Variants in MEIS3 observed in about 807,000 individuals in gnomAD.
The protein encoded by MEIS3 is Meis homeobox 3.
A neutral mutation model predicts 51.4 loss-of-function variants in MEIS3; 38 were observed. That is an observed-to-expected ratio of 0.74 (90% CI 0.57 to 0.97). The LOEUF is 0.97. MEIS3 is among the 50% of genes least tolerant of loss of function. MEIS3 has a pLI of 0.00. For missense variants in MEIS3, 456 were observed against 502.6 expected (o/e 0.91, Z 0.89); for synonymous variants, 198 against 201.8 (o/e 0.98, Z 0.16).
rs756618528 is a variant in MEIS3 at position 47,415,043 on chromosome 19, G to T, written c.447+8C>A. 1.0e-5 allele frequency: 16 copies of T among 1,556,520 alleles called. No individual in the cohort carries two copies. The highest frequency in any genetic ancestry group is 5.5e-5 in the African/African-American group (4 of 72,748). The stretch of plus-strand genomic sequence containing the variant: ...AAGTGAGGGTGTGGGGAGGTGAGAC[G>T]CGCTCACCTTCTCCAGCTCCAGCAG... On this transcript the variant is annotated splice_region_variant and intron_variant, in intron 5 of 12. Transcript: ENST00000558555.
At chr19:47,410,097 G>A (rs1015171072) in intron 6 of MEIS3, among the ~76,000 whole-genome samples, 4 of 151,172 alleles carry the variant, frequency 2.6e-5, no homozygotes, top group Admixed American at 6.6e-5. Context: ...ACCTGAGGTC[G>A]GGCATTTGAG....
rs967704429 is a variant in MEIS3 at position 47,419,279 on chromosome 19, C to A, written c.-198G>T. The A allele has an allele frequency of 3.8e-5, 10 of 264,496 alleles. No individual in the cohort carries two copies. The highest frequency in any genetic ancestry group is 5.6e-5 in the Non-Finnish European group (8 of 142,646). The allele number at this position is 264,496 out of a possible 1,614,324, so 16.4% of individuals were successfully genotyped here. ...TGGGGACTCCGCGCATGGACCCCGG[C>A]CCCCGCCCCCAGCGGGGGTCACGGC... is the stretch of plus-strand genomic sequence containing the variant. On this transcript the variant is annotated 5_prime_UTR_variant, in exon 1 of 13. Coordinates refer to ENST00000558555, the MANE Select transcript of MEIS3 (RefSeq NM_001301059.2).
chr19:47,415,573 C>CT (rs1302603532), intron 4 of MEIS3, among the ~76,000 whole-genome samples: 42 of 115,272 alleles, frequency 3.6e-4, no homozygotes, highest in Non-Finnish European at 4.9e-4. Context: ...CTCTCTCTCT[C>CT]TTTTTTTTTT....
At chr19:47,407,191 G>T in intron 9 of MEIS3, 54 bp from the exon 10 acceptor site, 1 of 1,570,292 alleles carries the variant, frequency 6.4e-7, no homozygotes, top group Non-Finnish European at 8.6e-7. Flanking sequence ...TGGGAGAGAG[G>T]CCAAGACGAA....
chr19:47,413,312 G>C (rs1971229543), intron 6 of MEIS3, among the ~76,000 whole-genome samples: 1 of 151,736 alleles, frequency 6.6e-6, no homozygotes, highest in South Asian at 2.1e-4. Flanking sequence ...GGAATAGCTT[G>C]AACCCAGGAG....
At chr19:47,417,617 C>A (rs1971513842) in intron 1 of MEIS3, 2 of 703,030 alleles carry the variant, frequency 2.8e-6, no homozygotes, top group Non-Finnish European at 5.2e-6. Context: ...CAGGGTCTGG[C>A]TGGGAGGGAA....
chr19:47,414,425 G>A (rs1350138128), intron 6 of MEIS3, among the ~76,000 whole-genome samples: 1 of 152,172 alleles, frequency 6.6e-6, no homozygotes, highest in African/African-American at 2.4e-5. Flanking sequence ...GCTGTGAGCA[G>A]AAATGGCTGT....
intron 12 of MEIS3, among the ~76,000 whole-genome samples, chr19:47,404,576 C>T (rs183555684): frequency 3.3e-5 from 5 of 152,276 alleles, no homozygotes; most frequent in African/African-American, 1.2e-4. Context: ...CTGGCCTTGG[C>T]ACGTGCTATT....
At chr19:47,413,421 G>A (rs970620266) in intron 6 of MEIS3, among the ~76,000 whole-genome samples, 2 of 151,982 alleles carry the variant, frequency 1.3e-5, no homozygotes, top group Non-Finnish European at 2.9e-5. Flanking sequence ...AATGTCTCCG[G>A]GACTGTGTCT....
chr19:47,414,956 G>A (rs1487576745), intron 5 of MEIS3, 90 bp from the exon 6 acceptor site: 15 of 1,225,214 alleles, frequency 1.2e-5, no homozygotes, highest in East Asian at 1.0e-4. Context: ...CTTCAACTCC[G>A]GTGGGGAGAG....
chr19:47,415,033 G>A lies in MEIS3; in HGVS notation c.447+18C>T, dbSNP rs755185619. 3.9e-6 allele frequency: 6 copies of A among 1,550,790 alleles called. No homozygotes were observed. Among genetic ancestry groups the A allele is most frequent in the Non-Finnish European group, 5.2e-6 (6 of 1,145,020 alleles). On this transcript the variant is annotated intron_variant, in intron 5 of 12. Transcript: ENST00000558555. ...TGACAGGGGCAAGTGAGGGTGTGGG[G>A]AGGTGAGACGCGCTCACCTTCTCCA...
chr19:47,417,659 T>A, intron 1 of MEIS3: 1 of 702,146 alleles, frequency 1.4e-6, no homozygotes, highest in Non-Finnish European at 2.6e-6. Context: ...GAGAAGACAG[T>A]GACAGAGACA....
rs1970676905 is a variant in MEIS3, at chr19:47,403,416, AG to A, written c.*154del. On this transcript the variant is annotated 3_prime_UTR_variant, in exon 13 of 13. Coordinates refer to ENST00000558555, the MANE Select transcript of MEIS3 (RefSeq NM_001301059.2). ...CTTGAGAGCCCTTGGATGGGCACTC[AG>A]GCCCCCATGTCCCAGCAGGGCCCTA... 2.2e-6 allele frequency: 1 copy of A among 454,862 alleles called. No individual in the cohort carries two copies. The highest frequency in any genetic ancestry group is 2.0e-5 in the African/African-American group (1 of 50,156). The allele number at this position is 454,862 out of a possible 1,614,324, so 28.2% of individuals were successfully genotyped here.
chr19:47,414,816 C>T lies in MEIS3; in HGVS notation c.498G>A (p.Lys166=). The T allele has an allele frequency of 6.2e-7, 1 of 1,611,268 alleles. No homozygotes were observed. The highest frequency in any genetic ancestry group is 8.5e-7 in the Non-Finnish European group (1 of 1,178,800). ...NFCHRYITCL[K]GKMPIDLVIE... is the part of the protein sequence containing the mutation. ...TGACCAGGTCGATGGGCATCTTTCCCTTGAGGCAGGTGATGTAGCGGTGAC... is the reference window on the plus strand; with the variant it reads ...TGACCAGGTCGATGGGCATCTTTCCTTTGAGGCAGGTGATGTAGCGGTGAC... The change falls in exon 6 of 13, where the codon AAG becomes AAA. Residue 166 remains lysine (K), a synonymous_variant. Coordinates refer to ENST00000558555, the MANE Select transcript of MEIS3 (RefSeq NM_001301059.2).
upstream of MEIS3, among the ~76,000 whole-genome samples, chr19:47,421,672 C>G (rs1211377600): frequency 6.6e-6 from 1 of 151,542 alleles, no homozygotes; most frequent in Admixed American, 6.6e-5. Context: ...GACAGGCCGT[C>G]TCTGTCTCCA....
rs983986071 is a variant in MEIS3 at position 47,409,165 on chromosome 19, C to T, written c.792G>A (p.Lys264=). Residue 264 remains lysine, a synonymous_variant, in exon 8 of 13, where the codon AAG becomes AAA. Coordinates refer to ENST00000558555, the MANE Select transcript of MEIS3 (RefSeq NM_001301059.2). ...CCACCTTGGGGAAGATCCCCCTCTT[C>T]TTGTTTCGCCGTCGCTCCTGGTCCA... ...EDLDQERRRN[K]KRGIFPKVAT... The T allele has an allele frequency of 2.5e-6, 4 of 1,612,508 alleles. No individual in the cohort carries two copies. Among genetic ancestry groups the T allele is most frequent in the Non-Finnish European group, 3.4e-6 (4 of 1,180,038 alleles).
chr19:47,417,555 T>C (rs577360909), intron 1 of MEIS3: 65 of 713,956 alleles, frequency 9.1e-5, no homozygotes, highest in Non-Finnish European at 5.8e-5. Flanking sequence ...GAGGACCCCG[T>C]CCAGGCAGAG....
intron 8 of MEIS3, among the ~76,000 whole-genome samples, chr19:47,408,246 C>A (rs1366656805): frequency 6.6e-6 from 1 of 152,168 alleles, no homozygotes; most frequent in Non-Finnish European, 1.5e-5. Flanking sequence ...CCGGCCTCAG[C>A]CTCCTGAGTA....
At position 47,416,922 on chromosome 19, in the gene MEIS3, C is replaced by T. The variant is rs1295550657; in HGVS notation, c.227G>A (p.Cys76Tyr). The T allele has an allele frequency of 6.2e-7, 1 of 1,609,434 alleles. No individual in the cohort carries two copies. The highest frequency in any genetic ancestry group is 1.3e-5 in the African/African-American group (1 of 74,936). The change falls in exon 3 of 13, where the codon TGT (cysteine) becomes TAT (tyrosine). Residue 76 changes from cysteine (C) to tyrosine (Y), a missense_variant. Coordinates refer to ENST00000558555, the MANE Select transcript of MEIS3 (RefSeq NM_001301059.2). ...FPLLALVFEK[C>Y]ELATCSPRDG... ...ACGGGGAGAGCATGTAGCCAGTTCA[C>T]ATTTCTCAAAGACCAGGGCCAAGAG...
Sources: allele counts gnomAD v4.1 joint callset (sites outside exome capture counted in the v4.1 genomes callset), GRCh38; gene constraint gnomAD v4.1.1; transcripts MANE v1.5; gene names NCBI Gene and HGNC (gene_info 2026-07-23, HGNC 2026-07-21).